The following DLGAP1 variants were observed in gnomAD, a reference collection of about 807,000 sequenced individuals.
DLGAP1 encodes the protein disks large-associated protein 1.
In DLGAP1, 11 loss-of-function variants were observed where a neutral mutation model predicts 90.8. The ratio of observed to expected loss-of-function variants is 0.12; its 90% CI spans 0.08 to 0.20. The LOEUF is 0.20. Among genes scored for constraint, DLGAP1 ranks in the 10% least tolerant of loss-of-function variants. DLGAP1 has a pLI of 1.00. For missense variants in DLGAP1, 1,050 were observed against 1,333.8 expected (o/e 0.79, Z 3.31); for synonymous variants, 558 against 540.7 (o/e 1.03, Z -0.44).
chr18:3,506,909 TAA>T (rs1223200965), intron 11 of DLGAP1, among the ~76,000 whole-genome samples: 3 of 152,182 alleles, frequency 2.0e-5, no homozygotes, highest in Non-Finnish European at 4.4e-5. Flanking sequence ...ATTCACTTAT[TAA>T]TACATTTACT....
At chr18:3,887,012 C>A (rs912852324) in intron 3 of DLGAP1, among the ~76,000 whole-genome samples, 3 of 152,198 alleles carry the variant, frequency 2.0e-5, no homozygotes, top group Non-Finnish European at 4.4e-5. Flanking sequence ...AGTGCCATAT[C>A]CGCCCTGGAT....
At chr18:3,794,124 G>A (rs993008168) in intron 5 of DLGAP1, among the ~76,000 whole-genome samples, 14 of 152,134 alleles carry the variant, frequency 9.2e-5, no homozygotes, top group African/African-American at 3.1e-4. Flanking sequence ...AACTCTGCAC[G>A]TCTCCTCCCT....
At chr18:4,023,278 CTTTCT>C (rs1271503350) in intron 2 of DLGAP1, among the ~76,000 whole-genome samples, 1 of 151,760 alleles carries the variant, frequency 6.6e-6, no homozygotes, top group East Asian at 1.9e-4. Context: ...TCTTTTTCTC[CTTTCT>C]TTTCTTTTTA....
At chr18:3,868,497 A>C (rs1471451146) in intron 4 of DLGAP1, among the ~76,000 whole-genome samples, 1 of 152,196 alleles carries the variant, frequency 6.6e-6, no homozygotes, top group East Asian at 1.9e-4. Flanking sequence ...GGTGGCATTC[A>C]GAGTGTAAAC....
chr18:3,602,483 T>C (rs1422671334), intron 7 of DLGAP1, among the ~76,000 whole-genome samples: 4 of 149,420 alleles, frequency 2.7e-5, no homozygotes, highest in Non-Finnish European at 5.9e-5. Flanking sequence ...TAGTCCCAGC[T>C]ACTCGGGAGG....
chr18:4,124,161 G>A (rs1198182352), intron 2 of DLGAP1, among the ~76,000 whole-genome samples: 1 of 152,048 alleles, frequency 6.6e-6, no homozygotes, highest in Non-Finnish European at 1.5e-5. Context: ...ATTGCTTCTT[G>A]GGGTCTTCAT....
chr18:3,508,044 C>CTTTG (rs1363301271), intron 11 of DLGAP1, among the ~76,000 whole-genome samples: 3 of 152,142 alleles, frequency 2.0e-5, no homozygotes, highest in Non-Finnish European at 2.9e-5. Flanking sequence ...GCCTGTTTTG[C>CTTTG]TTTGTTTTTG....
intron 1 of DLGAP1, among the ~76,000 whole-genome samples, chr18:4,269,381 T>C (rs1411527301): frequency 3.1e-4 from 45 of 145,700 alleles, no homozygotes; most frequent in African/African-American, 1.1e-3. Flanking sequence ...TGAGACGGAG[T>C]CTTGCTCTGT....
At chr18:4,365,815 T>G (rs991307640) in intron 1 of DLGAP1, among the ~76,000 whole-genome samples, 6 of 152,164 alleles carry the variant, frequency 3.9e-5, no homozygotes, top group Non-Finnish European at 8.8e-5. Context: ...TATTTGGCTA[T>G]TGACAACTTT....
chr18:3,499,125 A>G lies in DLGAP1; in HGVS notation c.*60T>C. ...TCGGAGGGGGAGAGGCAGCCGGCAG[A>G]GGAGCGGCCGGGGGAGGAGGGGACA... On this transcript the variant is annotated 3_prime_UTR_variant, in exon 13 of 13. Coordinates refer to ENST00000315677, the MANE Select transcript of DLGAP1 (RefSeq NM_004746.4). This position sits in a 1 kb window ranked among gnomAD's most constrained non-coding sequence, Gnocchi z 6.4. 7.1e-7 allele frequency: 1 copy of G among 1,403,612 alleles called. No homozygotes were observed. The highest frequency in any genetic ancestry group is 9.3e-7 in the Non-Finnish European group (1 of 1,069,936). The allele number at this position is 1,403,612 out of a possible 1,614,324, so 86.9% of individuals were successfully genotyped here.
intron 7 of DLGAP1, among the ~76,000 whole-genome samples, chr18:3,685,755 C>T (rs2060682997): frequency 6.6e-6 from 1 of 152,064 alleles, no homozygotes; most frequent in African/African-American, 2.4e-5. Flanking sequence ...CAAGATGCTA[C>T]CCTTTAAATC....
chr18:4,067,242 G>A (rs1020588090), intron 2 of DLGAP1, among the ~76,000 whole-genome samples: 2 of 151,932 alleles, frequency 1.3e-5, no homozygotes, highest in Admixed American at 6.6e-5. Flanking sequence ...CTTAATACCT[G>A]AGTGATGAAA....
At position 3,606,671 on chromosome 18, in the gene DLGAP1, C is replaced by G. The variant is rs537274838; in HGVS notation, c.1592-24423G>C. The G allele has an allele frequency of 3.3e-5, 5 of 152,110 alleles. No individual in the cohort carries two copies. The East Asian group carries it at 9.6e-4, about 29-fold the overall frequency. 9.4% of individuals were successfully genotyped at this position (152,110 alleles called of 1,614,324 possible). ...TGAGCTCCCAGCTTTGACATCAAGT[C>G]GTTACAGCCACGTAATGGGATTACG... On this transcript the variant is annotated intron_variant, in intron 7 of 12. Transcript: ENST00000315677.
intron 3 of DLGAP1, chr18:3,962,299 AAATTT>A (rs542911239): frequency 2.0e-4 from 31 of 152,294 alleles, no homozygotes; most frequent in African/African-American, 6.5e-4. Flanking sequence ...TCTTCACATT[AAATTT>A]GAGTTTGAAC....
In DLGAP1 at chr18:3,729,525, T is replaced by C; in HGVS notation, c.1351-150A>G. The C allele has an allele frequency of 9.2e-7, 1 of 1,084,418 alleles. No individual in the cohort carries two copies. The highest frequency in any genetic ancestry group is 1.3e-6 in the Non-Finnish European group (1 of 768,624). The allele number at this position is 1,084,418 out of a possible 1,614,324, so 67.2% of individuals were successfully genotyped here. ...ATTTTATTTCCTTTCTGTTACAGGC[T>C]ATAATTGAATGGCATCCGCTTATAA... On this transcript the variant is annotated intron_variant, in intron 6 of 12. Transcript: ENST00000315677. The surrounding 1 kb of genome is among the most constrained non-coding windows in gnomAD (Gnocchi z 6.2).
chr18:4,110,032 AG>A, intron 2 of DLGAP1, among the ~76,000 whole-genome samples: 2 of 42,068 alleles, frequency 4.8e-5, no homozygotes, highest in Non-Finnish European at 8.9e-5. Context: ...AAGGATACAC[AG>A]ATACACAGTC....
intron 1 of DLGAP1, among the ~76,000 whole-genome samples, chr18:4,405,069 T>G (rs936909609): frequency 1.3e-5 from 2 of 152,214 alleles, no homozygotes; most frequent in African/African-American, 2.4e-5. Context: ...GTACATTCAA[T>G]TACACACAGT....
chr18:3,518,918 T>C lies in DLGAP1; in HGVS notation c.2480-10257A>G, dbSNP rs138439128. 8.0e-3 allele frequency among the ~76,000 whole-genome samples: 1,225 copies of C among 152,326 alleles called. 7 individuals are homozygous for C. The highest frequency in any genetic ancestry group is 0.037 in the Middle Eastern group (11 of 294). ...GTAGTGTGGACTAATTTGATGTCCTTTTTTGCTGACTTTAATTCAGGCAGA... is the reference window on the plus strand; with the variant it reads ...GTAGTGTGGACTAATTTGATGTCCTCTTTTGCTGACTTTAATTCAGGCAGA... On this transcript the variant is annotated intron_variant, in intron 10 of 12. Coordinates refer to ENST00000315677, the MANE Select transcript of DLGAP1 (RefSeq NM_004746.4).
chr18:4,235,719 C>CTTTTTTTTTTTTTTTTTTTT (rs1175101805), intron 1 of DLGAP1, among the ~76,000 whole-genome samples: 1 of 80,270 alleles, frequency 1.2e-5, no homozygotes, highest in African/African-American at 5.0e-5. Context: ...ATTTCAATGT[C>CTTTTTTTTTTTTTTTTTTTT]TTTTTTTTTT....
Sources: gnomAD v4.1 joint callset for allele counts (sites outside exome capture counted in the v4.1 genomes callset) on GRCh38, gnomAD v4.1.1 for gene constraint, Gnocchi (gnomAD v3.1) non-coding constraint, MANE v1.5 for transcripts, NCBI Gene and HGNC (gene_info 2026-07-23, HGNC 2026-07-21) for gene names.